The following SPAG17 variants were observed in gnomAD, a reference collection of about 807,000 sequenced individuals.
SPAG17 encodes the protein sperm-associated antigen 17.
In SPAG17, 169 loss-of-function variants were observed where a neutral mutation model predicts 273.6. The ratio of observed to expected loss-of-function variants is 0.62; its 90% CI spans 0.55 to 0.70. SPAG17 has a LOEUF of 0.70. Among genes scored for constraint, SPAG17 ranks in the 30% least tolerant of loss-of-function variants. The pLI is 0.00. For missense variants in SPAG17, 2,557 were observed against 2,627.8 expected (o/e 0.97, Z 0.59); for synonymous variants, 825 against 873.2 (o/e 0.94, Z 0.97).
At chr1:118,089,397 C>G (rs1029655900) in intron 10 of SPAG17, among the ~76,000 whole-genome samples, 1 of 141,568 alleles carries the variant, frequency 7.1e-6, no homozygotes, top group African/African-American at 2.7e-5. Flanking sequence ...TCTCAGAACC[C>G]TATTTTTAGG....
intron 27 of SPAG17, among the ~76,000 whole-genome samples, chr1:118,024,192 T>C (rs1000317068): frequency 6.6e-6 from 1 of 152,078 alleles, no homozygotes; most frequent in Non-Finnish European, 1.5e-5. Flanking sequence ...ACTTCTTATG[T>C]TATGTCTTTG....
At chr1:118,137,073 G>A (rs905688091) in intron 3 of SPAG17, among the ~76,000 whole-genome samples, 2 of 152,094 alleles carry the variant, frequency 1.3e-5, no homozygotes, top group South Asian at 4.1e-4. Flanking sequence ...GATAGAGCCT[G>A]TATCTTTTTT....
chr1:117,980,706 A>T (rs901379700), intron 43 of SPAG17, among the ~76,000 whole-genome samples: 1 of 152,218 alleles, frequency 6.6e-6, no homozygotes, highest in African/African-American at 2.4e-5. Flanking sequence ...CTCTTTTGTG[A>T]TCAACTATAT....
chr1:118,093,795 G>A (rs1308256741), intron 7 of SPAG17, among the ~76,000 whole-genome samples: 1 of 152,172 alleles, frequency 6.6e-6, no homozygotes, highest in African/African-American at 2.4e-5. Flanking sequence ...ACAAGTATGT[G>A]GGCAATCAGT....
chr1:117,985,939 C>T (rs1007768799), intron 40 of SPAG17, among the ~76,000 whole-genome samples: 1 of 152,126 alleles, frequency 6.6e-6, no homozygotes, highest in South Asian at 2.1e-4. Context: ...GCTAGTCAGC[C>T]GTCAGTCCCC....
chr1:118,059,263 T>A (rs1652019934), intron 18 of SPAG17, among the ~76,000 whole-genome samples: 1 of 152,152 alleles, frequency 6.6e-6, no homozygotes, highest in South Asian at 2.1e-4. Context: ...CAAAATGAGT[T>A]TCCCTGTGAA....
Position 117,963,837 on chromosome 1 carries a change from G to A in SPAG17, c.6634C>T (p.Leu2212Phe), listed in dbSNP as rs199591554. 2 of 1,613,782 alleles carry A rather than the reference G, an allele frequency of 1.2e-6. No individual in the cohort carries two copies. Among genetic ancestry groups the A allele is most frequent in the Non-Finnish European group, 1.7e-6 (2 of 1,179,728 alleles). ...ACTTTACGAGACATGAAGACTCCAAGTGTGGAGGAATAAATTGTAGAAGTT... is the reference window on the plus strand; with the variant it reads ...ACTTTACGAGACATGAAGACTCCAAATGTGGAGGAATAAATTGTAGAAGTT... ...QRTSTIYSST[L>F]GVFMSRKVSP... is the part of the protein sequence containing the mutation. Residue 2212 changes from leucine (L) to phenylalanine (F), a missense_variant, in exon 48 of 49, where the codon CTT becomes TTT. By Grantham distance (22) the Leu-to-Phe change is conservative. Transcript: ENST00000336338.
intron 32 of SPAG17, among the ~76,000 whole-genome samples, chr1:117,998,295 C>T (rs1033091945): frequency 6.6e-6 from 1 of 152,078 alleles, no homozygotes; most frequent in African/African-American, 2.4e-5. Flanking sequence ...ATCCCAGTAC[C>T]ATTTATTGAC....
intron 43 of SPAG17, among the ~76,000 whole-genome samples, chr1:117,977,155 C>CA (rs5777331): frequency 0.011 from 1,579 of 141,324 alleles, 15 homozygotes; most frequent in East Asian, 0.033. Flanking sequence ...ACTAAAAATA[C>CA]AAAAAAAAAA....
chr1:118,086,724 G>T lies in SPAG17; in HGVS notation c.1558C>A (p.Pro520Thr). 1 of 1,614,016 alleles carries T rather than the reference G, an allele frequency of 6.2e-7. No individual in the cohort carries two copies. Among genetic ancestry groups the T allele is most frequent in the Non-Finnish European group, 8.5e-7 (1 of 1,180,016 alleles). ...ENESKAVPKGPLLLNYHDAHA... is the reference protein window; with the variant it reads ...ENESKAVPKGTLLLNYHDAHA... ...GCATCATGATAGTTCAGTAGGAGGGGGCCTTTGGGCACTGCTTTGCTTTCA... is the reference window on the plus strand; with the variant it reads ...GCATCATGATAGTTCAGTAGGAGGGTGCCTTTGGGCACTGCTTTGCTTTCA... Residue 520 changes from proline (P) to threonine (T), a missense_variant, in exon 12 of 49, where the codon CCC becomes ACC. Transcript: ENST00000336338.
chr1:118,135,430 T>TGG, intron 3 of SPAG17, among the ~76,000 whole-genome samples: 1 of 146,652 alleles, frequency 6.8e-6, no homozygotes, highest in East Asian at 2.0e-4. Context: ...TGTGTGTGTG[T>TGG]GGGGTATGGT....
chr1:118,148,124 A>C lies in SPAG17; in HGVS notation c.315+2419T>G, dbSNP rs548747427. Among the ~76,000 whole-genome samples the C allele has an allele frequency of 2.6e-5, 4 of 152,294 alleles. No individual in the cohort carries two copies. In the East Asian group the frequency reaches 5.8e-4, roughly 22 times the overall value. On this transcript the variant is annotated intron_variant, in intron 3 of 48. Coordinates refer to ENST00000336338, the MANE Select transcript of SPAG17 (RefSeq NM_206996.4). ...AAAGGAATTTGTTAGATTATCTTTT[A>C]TCTCTTCTCCCACAGTGCAGAGTTT...
At chr1:118,137,958 C>T (rs1658453568) in intron 3 of SPAG17, among the ~76,000 whole-genome samples, 1 of 152,102 alleles carries the variant, frequency 6.6e-6, no homozygotes, top group Non-Finnish European at 1.5e-5. Flanking sequence ...AAAATTGTTA[C>T]CATATTTCAA....
intron 1 of SPAG17, among the ~76,000 whole-genome samples, chr1:118,183,697 C>T (rs996152712): frequency 7.9e-5 from 12 of 152,120 alleles, no homozygotes; most frequent in Non-Finnish European, 1.8e-4. Context: ...ATTATAGCTT[C>T]ATATTTGCAA....
chr1:118,005,884 A>G (rs1658827554), intron 31 of SPAG17, among the ~76,000 whole-genome samples: 3 of 152,154 alleles, frequency 2.0e-5, no homozygotes, highest in Admixed American at 6.5e-5. Context: ...TATTTCTAAT[A>G]TTTAACATAT....
At chr1:118,137,147 A>G (rs909856652) in intron 3 of SPAG17, among the ~76,000 whole-genome samples, 3 of 152,154 alleles carry the variant, frequency 2.0e-5, no homozygotes, top group African/African-American at 7.2e-5. Flanking sequence ...TTCACAAAAG[A>G]TGTAGGTCTT....
intron 35 of SPAG17, 87 bp from the exon 36 acceptor site, chr1:117,992,735 A>G: frequency 8.6e-7 from 1 of 1,162,814 alleles, no homozygotes; most frequent in Non-Finnish European, 1.2e-6. Flanking sequence ...TTTATTACAT[A>G]GATATCATAA....
chr1:118,085,750 G>A (rs1489381544), intron 13 of SPAG17, among the ~76,000 whole-genome samples, 172 bp downstream of exon 13: 1 of 152,192 alleles, frequency 6.6e-6, no homozygotes, highest in East Asian at 1.9e-4. Flanking sequence ...TGATAACATT[G>A]CTAATGACAT....
At chr1:118,130,267 C>T (rs1657983752) in intron 3 of SPAG17, among the ~76,000 whole-genome samples, 1 of 152,130 alleles carries the variant, frequency 6.6e-6, no homozygotes, top group South Asian at 2.1e-4. Flanking sequence ...GCCACCTACC[C>T]CAGAACCTCT....
Sources: allele counts gnomAD v4.1 joint callset (sites outside exome capture counted in the v4.1 genomes callset), GRCh38; gene constraint gnomAD v4.1.1; transcripts MANE v1.5; gene names NCBI Gene and HGNC (gene_info 2026-07-23, HGNC 2026-07-21).